TMEM178B: variants seen among roughly 807,000 people sequenced by gnomAD.
The protein encoded by TMEM178B is transmembrane protein 178B.
A neutral mutation model predicts 31.0 loss-of-function variants in TMEM178B; 5 were observed. That is an observed-to-expected ratio of 0.16 (90% CI 0.08 to 0.34). The LOEUF (loss-of-function observed/expected upper bound fraction) is 0.34, where lower values mean the gene tolerates loss of function less well. Ranked by LOEUF, TMEM178B falls within the 10% of genes least tolerant of loss-of-function variation. The pLI, the probability that TMEM178B is intolerant of heterozygous loss-of-function variation, is 1.00. For missense variants in TMEM178B, 275 were observed against 400.3 expected (o/e 0.69, Z 2.67); for synonymous variants, 164 against 164.0 (o/e 1.00, Z 0.00).
intron 2 of TMEM178B, among the ~76,000 whole-genome samples, chr7:141,421,756 T>G (rs1389580347): frequency 1.3e-5 from 2 of 152,202 alleles, no homozygotes; most frequent in Non-Finnish European, 2.9e-5. Flanking sequence ...ATCATCATCA[T>G]CATCATTATA....
At chr7:141,506,608 C>G in the TMEM178B span, among the ~76,000 whole-genome samples, 1 of 152,132 alleles carries the variant, frequency 6.6e-6, no homozygotes. Flanking sequence ...CTGGGAGATA[C>G]AATTCAAGTT....
At chr7:141,086,314 T>A (rs1166722138) in intron 1 of TMEM178B, among the ~76,000 whole-genome samples, 1 of 152,234 alleles carries the variant, frequency 6.6e-6, no homozygotes, top group African/African-American at 2.4e-5. Context: ...ATTACAGGCA[T>A]GAGCCATCAT....
intron 2 of TMEM178B, among the ~76,000 whole-genome samples, chr7:141,270,892 G>A (rs1159732009): frequency 6.6e-6 from 1 of 152,172 alleles, no homozygotes; most frequent in Non-Finnish European, 1.5e-5. Flanking sequence ...TCTCTCCTGT[G>A]CCTTCCCAAG....
chr7:141,173,241 A>G (rs1412248091), intron 1 of TMEM178B: 1 of 152,236 alleles, frequency 6.6e-6, no homozygotes, highest in Non-Finnish European at 1.5e-5. Flanking sequence ...GGAACTTGAA[A>G]CAGAGGTAAA....
intron 1 of TMEM178B, among the ~76,000 whole-genome samples, chr7:141,136,032 G>T (rs191962993): frequency 2.4e-3 from 361 of 152,064 alleles, no homozygotes; most frequent in Non-Finnish European, 4.6e-3. Context: ...AGATGTCCTA[G>T]AATTCATATG....
intron 2 of TMEM178B, among the ~76,000 whole-genome samples, chr7:141,323,412 C>T (rs1166670575): frequency 6.6e-6 from 1 of 152,224 alleles, no homozygotes; most frequent in Non-Finnish European, 1.5e-5. Flanking sequence ...GACATACCTG[C>T]TGTTTTTCAA....
rs1179131184 is a variant in TMEM178B at position 141,285,150 on chromosome 7, G to GTTTTTTTTTTTTTTTTTTTTTT, written c.496+72449_496+72450insTTTTTTTTTTTTTTTTTTTTTT. Among the ~76,000 whole-genome samples the GTTTTTTTTTTTTTTTTTTTTTT allele has an allele frequency of 2.5e-5, 2 of 78,962 alleles. 1 individual carries two copies. The highest frequency in any genetic ancestry group is 5.1e-5 in the Non-Finnish European group (2 of 39,118). The allele number at this position is 78,962 out of a possible 152,430, so 51.8% of individuals were successfully genotyped here. On this transcript the variant is annotated intron_variant, in intron 2 of 3. Coordinates refer to ENST00000565468, the MANE Select transcript of TMEM178B (RefSeq NM_001195278.2). ...CCCCAGGATCCAATTCAGGATTCTT[G>GTTTTTTTTTTTTTTTTTTTTTT]TTTCTTTTTTTTTTTTTTTTTTTTT...
intron 2 of TMEM178B, among the ~76,000 whole-genome samples, chr7:141,215,337 A>ATTTTT (rs67571979): frequency 9.2e-5 from 13 of 141,542 alleles, no homozygotes; most frequent in Non-Finnish European, 1.1e-4. Context: ...TATTATTATT[A>ATTTTT]TTTTTTGAGA....
At chr7:141,078,332 T>C (rs1794629489) in intron 1 of TMEM178B, among the ~76,000 whole-genome samples, 1 of 152,238 alleles carries the variant, frequency 6.6e-6, no homozygotes. Context: ...CAACTGATAC[T>C]CTAAGAACTT....
intron 1 of TMEM178B, among the ~76,000 whole-genome samples, chr7:141,115,053 G>C (rs1486820184): frequency 6.6e-6 from 1 of 152,070 alleles, no homozygotes; most frequent in Non-Finnish European, 1.5e-5. Context: ...GTGTGTGTGT[G>C]TGTGTTTGTG....
At chr7:141,486,541 G>A in the TMEM178B span, among the ~76,000 whole-genome samples, 1 of 150,254 alleles carries the variant, frequency 6.7e-6, no homozygotes, top group African/African-American at 2.5e-5. Flanking sequence ...TAGGGTGGGG[G>A]ACTCCTTAGC....
chr7:141,247,584 G>A (rs1309739602), intron 2 of TMEM178B, among the ~76,000 whole-genome samples: 1 of 152,142 alleles, frequency 6.6e-6, no homozygotes, highest in Non-Finnish European at 1.5e-5. Context: ...CTTTTTGGCA[G>A]TAGGGAAAGG....
intron 2 of TMEM178B, among the ~76,000 whole-genome samples, chr7:141,394,458 G>T (rs1255118381): frequency 6.6e-6 from 1 of 152,226 alleles, no homozygotes; most frequent in Non-Finnish European, 1.5e-5. Context: ...TGTGGCCTTG[G>T]ATCAGTTATC....
At position 141,273,080 on chromosome 7, in the gene TMEM178B, T is replaced by A. The variant is rs78116539; in HGVS notation, c.496+60376T>A. ...GGAAATTCTGCTGTTTGCAACAACATGTATAAACGTGGAGAACATATGCTA... is the reference window on the plus strand; with the variant it reads ...GGAAATTCTGCTGTTTGCAACAACAAGTATAAACGTGGAGAACATATGCTA... On this transcript the variant is annotated intron_variant, in intron 2 of 3. Coordinates refer to ENST00000565468, the MANE Select transcript of TMEM178B (RefSeq NM_001195278.2). 1.1e-4 allele frequency among the ~76,000 whole-genome samples: 16 copies of A among 152,324 alleles called. No homozygotes were observed. In the East Asian group the frequency reaches 3.1e-3, roughly 29 times the overall value.
the TMEM178B span, among the ~76,000 whole-genome samples, chr7:141,495,799 C>CA: frequency 6.6e-6 from 1 of 152,060 alleles, no homozygotes; most frequent in Non-Finnish European, 1.5e-5. Context: ...AACCATTAAG[C>CA]AAAAAACACC....
chr7:141,404,221 C>T (rs1225383414), intron 2 of TMEM178B, among the ~76,000 whole-genome samples: 9 of 152,182 alleles, frequency 5.9e-5, no homozygotes, highest in African/African-American at 9.7e-5. Context: ...AGGAGAATGG[C>T]GTGAACCCAG....
the TMEM178B span, among the ~76,000 whole-genome samples, chr7:141,509,203 A>T: frequency 6.6e-6 from 1 of 152,220 alleles, no homozygotes; most frequent in Admixed American, 6.5e-5. Flanking sequence ...AGATAGCATC[A>T]GTGAGAATAA....
chr7:141,308,875 G>A (rs776455502), intron 2 of TMEM178B, among the ~76,000 whole-genome samples: 1 of 152,164 alleles, frequency 6.6e-6, no homozygotes, highest in Non-Finnish European at 1.5e-5. Flanking sequence ...TGTCATATTT[G>A]TGTTTCCCAA....
intron 1 of TMEM178B, among the ~76,000 whole-genome samples, chr7:141,100,647 A>G (rs1795041193): frequency 6.6e-6 from 1 of 152,194 alleles, no homozygotes; most frequent in Admixed American, 6.5e-5. Flanking sequence ...AATAGAAATT[A>G]TTTTTAGACT....
Sources: allele counts gnomAD v4.1 joint callset (sites outside exome capture counted in the v4.1 genomes callset), GRCh38; gene constraint gnomAD v4.1.1; transcripts MANE v1.5; gene names NCBI Gene and HGNC (gene_info 2026-07-23, HGNC 2026-07-21).